Variants in SAMD4A observed in about 807,000 individuals in gnomAD.
The protein encoded by SAMD4A is protein Smaug homolog 1.
In SAMD4A, 33 loss-of-function variants were observed where a neutral mutation model predicts 81.3. The observed-to-expected ratio is 0.41, with a 90% confidence interval of 0.31 to 0.54. The LOEUF (loss-of-function observed/expected upper bound fraction) is 0.54. Among genes scored for constraint, SAMD4A ranks in the 20% least tolerant of loss-of-function variants. The pLI, the probability that SAMD4A is intolerant of heterozygous loss-of-function variation, is 0.37. For missense variants in SAMD4A, 854 were observed against 951.1 expected (o/e 0.90, Z 1.34); for synonymous variants, 389 against 382.1 (o/e 1.02, Z -0.21).
intron 2 of SAMD4A, among the ~76,000 whole-genome samples, chr14:54,664,823 A>ACACACG (rs1256676322): frequency 1.4e-5 from 2 of 141,004 alleles, no homozygotes; most frequent in African/African-American, 5.3e-5. Flanking sequence ...ACACACACAC[A>ACACACG]CACACACACA....
intron 2 of SAMD4A, among the ~76,000 whole-genome samples, chr14:54,679,262 C>T (rs189794926): frequency 6.6e-6 from 1 of 152,188 alleles, no homozygotes; most frequent in African/African-American, 2.4e-5. Flanking sequence ...CATTTAGAAG[C>T]AAGAGAAGAG....
intron 3 of SAMD4A, among the ~76,000 whole-genome samples, chr14:54,721,789 A>G (rs2037268999): frequency 6.6e-6 from 1 of 152,136 alleles, no homozygotes; most frequent in South Asian, 2.1e-4. Flanking sequence ...TGATCCCTGA[A>G]GTTTTTTTGA....
chr14:54,598,509 C>G (rs900910009), intron 2 of SAMD4A, among the ~76,000 whole-genome samples: 17 of 152,128 alleles, frequency 1.1e-4, no homozygotes, highest in African/African-American at 4.1e-4. Context: ...TTAGTTTTGT[C>G]CCAACTTTTC....
intron 4 of SAMD4A, among the ~76,000 whole-genome samples, chr14:54,744,242 T>A (rs1379991053): frequency 1.3e-5 from 2 of 152,196 alleles, no homozygotes; most frequent in Non-Finnish European, 2.9e-5. Context: ...ATCGATCCCA[T>A]CTTTCTGTCT....
At chr14:54,607,990 T>A (rs2034258280) in intron 2 of SAMD4A, among the ~76,000 whole-genome samples, 1 of 135,200 alleles carries the variant, frequency 7.4e-6, no homozygotes, top group African/African-American at 2.9e-5. Flanking sequence ...CACTCCAGCT[T>A]GGGTGACAGA....
At chr14:54,605,749 G>A (rs541091542) in intron 2 of SAMD4A, among the ~76,000 whole-genome samples, 38 of 151,966 alleles carry the variant, frequency 2.5e-4, no homozygotes, top group Non-Finnish European at 4.1e-4. Context: ...ACATATTTGT[G>A]TGTAAAACTG....
chr14:54,759,890 A>G (rs1264660381), intron 6 of SAMD4A, among the ~76,000 whole-genome samples: 6 of 152,212 alleles, frequency 3.9e-5, no homozygotes, highest in Admixed American at 6.5e-5. Context: ...AAAAGGAAAT[A>G]TACCAAATTG....
intron 2 of SAMD4A, among the ~76,000 whole-genome samples, chr14:54,624,498 A>G (rs2034698479): frequency 6.6e-6 from 1 of 152,234 alleles, no homozygotes; most frequent in African/African-American, 2.4e-5. Flanking sequence ...CCTGACAGCT[A>G]TTTCAATGCT....
chr14:54,737,296 C>G lies in SAMD4A; in HGVS notation c.979+9C>G. On this transcript the variant is annotated intron_variant, in intron 4 of 12. Transcript: ENST00000554335. ...AGGTAGTGGGATGAAAGGTGAGTGACTAAATGAGAAACCACTGGGGAAAGA... is the reference window on the plus strand; with the variant it reads ...AGGTAGTGGGATGAAAGGTGAGTGAGTAAATGAGAAACCACTGGGGAAAGA... 6.2e-7 allele frequency: 1 copy of G among 1,613,492 alleles called. No individual in the cohort carries two copies. Among genetic ancestry groups the G allele is most frequent in the Non-Finnish European group, 8.5e-7 (1 of 1,179,856 alleles).
chr14:54,600,858 T>A (rs950424715), intron 2 of SAMD4A, among the ~76,000 whole-genome samples: 5 of 152,206 alleles, frequency 3.3e-5, no homozygotes, highest in African/African-American at 1.2e-4. Context: ...TACTCCAGGT[T>A]CTCCAAGAGC....
At chr14:54,697,868 T>G (rs1204409325) in intron 2 of SAMD4A, among the ~76,000 whole-genome samples, 1 of 152,134 alleles carries the variant, frequency 6.6e-6, no homozygotes, top group African/African-American at 2.4e-5. Context: ...GGCAACTTGG[T>G]GCTAGGTATT....
At chr14:54,716,391 A>C (rs770278404) in intron 3 of SAMD4A, among the ~76,000 whole-genome samples, 3 of 152,190 alleles carry the variant, frequency 2.0e-5, no homozygotes, top group Non-Finnish European at 4.4e-5. Flanking sequence ...GAGAGGGTAC[A>C]TAGTATTAAG....
chr14:54,687,367 G>A (rs1340855260), intron 2 of SAMD4A: 2 of 456,640 alleles, frequency 4.4e-6, no homozygotes, highest in East Asian at 1.4e-4. Flanking sequence ...TGTGTGGTCA[G>A]CTGCTGATTT....
At chr14:54,598,915 G>A (rs1000379254) in intron 2 of SAMD4A, among the ~76,000 whole-genome samples, 1 of 151,806 alleles carries the variant, frequency 6.6e-6, no homozygotes, top group Non-Finnish European at 1.5e-5. Flanking sequence ...CAGTCTACCA[G>A]GTTCAAGTGA....
intron 2 of SAMD4A, among the ~76,000 whole-genome samples, chr14:54,649,747 G>C (rs1352989053): frequency 1.3e-5 from 2 of 152,220 alleles, no homozygotes; most frequent in Non-Finnish European, 2.9e-5. Flanking sequence ...GAATTTAAGA[G>C]AATTGTATGC....
At chr14:54,565,416 G>GC (rs1049737173), upstream of SAMD4A, among the ~76,000 whole-genome samples, 4 of 152,260 alleles carry the variant, frequency 2.6e-5, no homozygotes, top group Non-Finnish European at 5.9e-5. The surrounding 1 kb of genome is among the most constrained non-coding windows in gnomAD (Gnocchi z 5.4). Context: ...CGCCGGGCCG[G>GC]CCTCTAGGAG....
chr14:54,737,959 TA>T (rs11303562), intron 4 of SAMD4A, among the ~76,000 whole-genome samples: 127,724 of 152,150 alleles, frequency 0.84, 53,872 homozygotes, highest in African/African-American at 0.93. Flanking sequence ...TACCCTCTTC[TA>T]AAAGATATTC....
chr14:54,629,663 AT>A (rs545614029), intron 2 of SAMD4A, among the ~76,000 whole-genome samples: 180 of 151,716 alleles, frequency 1.2e-3, no homozygotes, highest in African/African-American at 3.8e-3. Context: ...TGGCTTAAAA[AT>A]TTTTTTTTCA....
At chr14:54,689,486 C>G (rs1010271941) in intron 2 of SAMD4A, 6 of 152,224 alleles carry the variant, frequency 3.9e-5, no homozygotes, top group African/African-American at 1.4e-4. Flanking sequence ...AGCCCATTTT[C>G]CAGATGGAGG....
Sources: gnomAD v4.1 joint callset for allele counts (sites outside exome capture counted in the v4.1 genomes callset) on GRCh38, gnomAD v4.1.1 for gene constraint, Gnocchi (gnomAD v3.1) non-coding constraint, MANE v1.5 for transcripts, NCBI Gene and HGNC (gene_info 2026-07-23, HGNC 2026-07-21) for gene names.